KLHL32: variants seen among roughly 807,000 people sequenced by gnomAD.
The protein encoded by KLHL32 is kelch like family member 32.
Under a neutral mutation model 64.8 loss-of-function variants are expected in KLHL32, and 35 were observed. The ratio of observed to expected loss-of-function variants is 0.54; its 90% CI spans 0.41 to 0.72. The LOEUF is 0.72. KLHL32 is among the 30% of genes least tolerant of loss of function. The pLI, the probability that KLHL32 is intolerant of heterozygous loss-of-function variation, is 0.00. For synonymous variants in KLHL32, 259 were observed against 281.0 expected (o/e 0.92, Z 0.78); for missense variants, 589 against 768.5 (o/e 0.77, Z 2.76).
At position 97,139,197 on chromosome 6, in the gene KLHL32, C is replaced by T; in HGVS notation, c.1778C>T (p.Ala593Val). The change falls in exon 11 of 11, where the codon GCA becomes GTA. Residue 593 changes from alanine (A) to valine (V), a missense_variant. Physicochemically the swap from Ala to Val is moderately conservative, Grantham distance 64. Coordinates refer to ENST00000369261, the MANE Select transcript of KLHL32 (RefSeq NM_052904.4). ...PTLPFASNGIAACFLPAPYFT... is the reference protein window; with the variant it reads ...PTLPFASNGIVACFLPAPYFT... The stretch of plus-strand genomic sequence containing the variant: ...CTCCCTTTTGCTTCCAATGGAATAG[C>T]AGCATGCTTCCTTCCAGCTCCATAT... The T allele has an allele frequency of 6.2e-7, 1 of 1,613,762 alleles. No homozygotes were observed. The highest frequency in any genetic ancestry group is 1.3e-5 in the African/African-American group (1 of 75,040).
chr6:96,943,325 G>C (rs1771550213), intron 1 of KLHL32, among the ~76,000 whole-genome samples: 1 of 151,356 alleles, frequency 6.6e-6, no homozygotes, highest in African/African-American at 2.4e-5. Context: ...TGGTCTCTTG[G>C]TGTCATTCAC....
At chr6:96,988,826 C>G (rs1387035959) in intron 3 of KLHL32, among the ~76,000 whole-genome samples, 2 of 152,056 alleles carry the variant, frequency 1.3e-5, no homozygotes, top group Non-Finnish European at 1.5e-5. Flanking sequence ...AAGATGGAAA[C>G]CATCATTCTC....
intron 6 of KLHL32, among the ~76,000 whole-genome samples, chr6:97,096,082 AGGTCTTCT>A (rs1399458810): frequency 3.9e-5 from 6 of 152,186 alleles, no homozygotes; most frequent in Admixed American, 3.3e-4. Flanking sequence ...GTTATTTTAT[AGGTCTTCT>A]TTTTACCTTA....
intron 3 of KLHL32, among the ~76,000 whole-genome samples, chr6:97,022,860 A>G (rs1037080059): frequency 1.1e-4 from 17 of 152,256 alleles, no homozygotes; most frequent in Admixed American, 1.0e-3. Flanking sequence ...TATAAAGGAA[A>G]GAGTTTTAAT....
chr6:97,112,083 T>C (rs1338922229), intron 6 of KLHL32, among the ~76,000 whole-genome samples: 1 of 152,148 alleles, frequency 6.6e-6, no homozygotes, highest in Admixed American at 6.6e-5. Context: ...CATTCCAGCA[T>C]GAAACAGGAA....
intron 8 of KLHL32, among the ~76,000 whole-genome samples, chr6:97,130,242 T>G (rs1462437718): frequency 6.6e-6 from 1 of 152,222 alleles, no homozygotes; most frequent in Non-Finnish European, 1.5e-5. Flanking sequence ...CACAATAGGC[T>G]TATCAGGTAG....
chr6:97,053,772 A>G (rs895659750), intron 4 of KLHL32, among the ~76,000 whole-genome samples: 3 of 151,836 alleles, frequency 2.0e-5, no homozygotes, highest in African/African-American at 7.2e-5. Context: ...TAATAAATGT[A>G]TTAAATAAAT....
intron 4 of KLHL32, among the ~76,000 whole-genome samples, chr6:97,055,796 TAAAAAAAAAAAAAA>T: frequency 1.2e-5 from 1 of 81,056 alleles, no homozygotes; most frequent in African/African-American, 3.9e-5. Context: ...AGAACCTGTC[TAAAAAAAAAAAAAA>T]AAAAAAAAAA....
At chr6:97,099,494 TAC>T (rs1337655766) in intron 6 of KLHL32, among the ~76,000 whole-genome samples, 1 of 152,236 alleles carries the variant, frequency 6.6e-6, no homozygotes, top group Non-Finnish European at 1.5e-5. Flanking sequence ...GAGGCTGCAA[TAC>T]AGTCTTTCTC....
chr6:96,928,914 A>G (rs955541743), intron 1 of KLHL32, among the ~76,000 whole-genome samples: 4 of 152,232 alleles, frequency 2.6e-5, no homozygotes, highest in Non-Finnish European at 5.9e-5. Flanking sequence ...GGACAAGTAA[A>G]GGAAAAATGT....
intron 1 of KLHL32, among the ~76,000 whole-genome samples, chr6:96,937,342 G>A (rs985265061): frequency 1.3e-5 from 2 of 152,186 alleles, no homozygotes; most frequent in African/African-American, 4.8e-5. Context: ...AGCATGTGTG[G>A]TTCAAAAGAT....
intron 10 of KLHL32, among the ~76,000 whole-genome samples, chr6:97,135,787 G>A (rs544551301): frequency 1.3e-5 from 2 of 152,170 alleles, no homozygotes; most frequent in South Asian, 4.2e-4. Context: ...ATTTTTTTAT[G>A]TTATGGATGA....
At chr6:97,052,599 G>T (rs1017283117) in intron 4 of KLHL32, among the ~76,000 whole-genome samples, 1 of 152,150 alleles carries the variant, frequency 6.6e-6, no homozygotes, top group African/African-American at 2.4e-5. Flanking sequence ...GTTGGTGACC[G>T]CCCTGTGTGT....
At chr6:97,070,343 T>G (rs1250366482) in intron 5 of KLHL32, among the ~76,000 whole-genome samples, 1 of 152,198 alleles carries the variant, frequency 6.6e-6, no homozygotes, top group East Asian at 1.9e-4. Flanking sequence ...TAATCAAGAG[T>G]ATTTGCTATC....
chr6:97,078,431 G>A (rs1421138637), intron 5 of KLHL32, among the ~76,000 whole-genome samples: 1 of 152,126 alleles, frequency 6.6e-6, no homozygotes, highest in African/African-American at 2.4e-5. Context: ...GGAAATGAAA[G>A]ATTATAATTA....
upstream of KLHL32, among the ~76,000 whole-genome samples, chr6:96,923,400 C>T (rs746304445): frequency 5.9e-5 from 9 of 152,174 alleles, no homozygotes; most frequent in Non-Finnish European, 1.3e-4. Context: ...CTTAGGATGA[C>T]ACTGCACCTA....
intron 3 of KLHL32, among the ~76,000 whole-genome samples, chr6:97,016,100 C>G (rs566933334): frequency 6.6e-6 from 1 of 152,370 alleles, no homozygotes; most frequent in Non-Finnish European, 1.5e-5. Context: ...TGGAGAACCT[C>G]TGCTAGGGCA....
chr6:97,124,825 A>C (rs1408440547), intron 7 of KLHL32, among the ~76,000 whole-genome samples: 1 of 152,214 alleles, frequency 6.6e-6, no homozygotes, highest in Non-Finnish European at 1.5e-5. Context: ...TCAAGAGATT[A>C]AATTATTCTT....
the KLHL32 span, among the ~76,000 whole-genome samples, chr6:96,899,844 A>G: frequency 6.6e-6 from 1 of 152,242 alleles, no homozygotes; most frequent in Non-Finnish European, 1.5e-5. Context: ...GGAAAGTATA[A>G]CTAGGATGCT....
Sources: allele counts gnomAD v4.1 joint callset (sites outside exome capture counted in the v4.1 genomes callset), GRCh38; gene constraint gnomAD v4.1.1; transcripts MANE v1.5; gene names NCBI Gene and HGNC (gene_info 2026-07-23, HGNC 2026-07-21).